Variants in TLR9 observed in about 807,000 individuals in gnomAD.
The protein encoded by TLR9 is toll like receptor 9.
In TLR9, 19 loss-of-function variants were observed where a neutral mutation model predicts 24.6. That is an observed-to-expected ratio of 0.77 (90% CI 0.54 to 1.13). The LOEUF is 1.13. TLR9 is among the 50% of genes most tolerant of loss of function. The pLI, the probability that TLR9 is intolerant of heterozygous loss-of-function variation, is 0.00. For synonymous variants in TLR9, 579 were observed against 609.8 expected, an observed-to-expected ratio of 0.95 and a Z score of 0.74; for missense variants, 1,065 against 1,379.6, an observed-to-expected ratio of 0.77 and a Z score of 3.61.
At chr3:52,224,603 C>T (rs756338028) in intron 1 of TLR9, among the ~76,000 whole-genome samples, 22 of 152,178 alleles carry the variant, frequency 1.4e-4, no homozygotes, top group Non-Finnish European at 2.5e-4. Context: ...TATACCAGGC[C>T]AGGCAAGGTG....
At position 52,223,078 on chromosome 3, in the gene TLR9, G is replaced by C. The variant is rs550218164; in HGVS notation, c.1238C>G (p.Ala413Gly). The change falls in exon 2 of 2, where the codon GCC becomes GGC. Residue 413 changes from alanine to glycine, a missense_variant. Physicochemically the swap from Ala to Gly is moderately conservative, Grantham distance 60 (BLOSUM62 0). Transcript: ENST00000360658. ...GTCCACGTAGCGCAGGCCAGGGAAG[G>C]CCCTGAAGATGCCGAGCTGGGCCTG... Reference protein sequence around the residue: ...INQAQLGIFRAFPGLRYVDLS... With the variant: ...INQAQLGIFRGFPGLRYVDLS... The C allele has an allele frequency of 1.2e-6, 2 of 1,610,314 alleles. No homozygotes were observed. The highest frequency in any genetic ancestry group is 2.7e-5 in the African/African-American group (2 of 74,874).
rs1212959740 is a variant in TLR9, at chr3:52,224,226, A to G, written c.90T>C (p.Pro30=). 1.9e-6 allele frequency: 3 copies of G among 1,613,318 alleles called. No homozygotes were observed. Among genetic ancestry groups the G allele is most frequent in the African/African-American group, 2.7e-5 (2 of 74,892 alleles). Reference sequence around the variant, plus strand: ...GCTGGAGCTCACAGGGTAGGAAGGCAGGCAAGGTACCCAGGGCCAGGGTCA... The same window carrying G: ...GCTGGAGCTCACAGGGTAGGAAGGCGGGCAAGGTACCCAGGGCCAGGGTCA... ...LAMTLALGTL[P]AFLPCELQPH... The change falls in exon 2 of 2, where the codon CCT becomes CCC. Residue 30 remains proline (P), a synonymous_variant. Coordinates refer to ENST00000360658, the MANE Select transcript of TLR9 (RefSeq NM_017442.4).
At position 52,223,786 on chromosome 3, in the gene TLR9, T is replaced by C. The variant is rs1405309670; in HGVS notation, c.530A>G (p.Asn177Ser). The change falls in exon 2 of 2, where the codon AAC becomes AGC. Residue 177 changes from asparagine (N) to serine (S), a missense_variant. Coordinates refer to ENST00000360658, the MANE Select transcript of TLR9 (RefSeq NM_017442.4). ...HALRFLFMDGNCYYKNPCRQA... is the reference protein window; with the variant it reads ...HALRFLFMDGSCYYKNPCRQA... ...CCTGCAGGGGTTCTTGTAATAACAG[T>C]TGCCGTCCATGAATAGGAAGCGCAG... 1.3e-6 allele frequency: 2 copies of C among 1,583,870 alleles called. No individual in the cohort carries two copies. The highest frequency in any genetic ancestry group is 2.7e-5 in the African/African-American group (2 of 74,060).
rs757146434 is a variant in TLR9 at position 52,222,858 on chromosome 3, G to A, written c.1458C>T (p.Thr486=). The change falls in exon 2 of 2, where the codon ACC becomes ACT. Residue 486 remains threonine (T), a synonymous_variant. Coordinates refer to ENST00000360658, the MANE Select transcript of TLR9 (RefSeq NM_017442.4). ...TLDLSRNNLV[T]VQPEMFAQLS... Reference sequence around the variant, plus strand: ...GCTGGGCAAACATCTCCGGCTGCACGGTCACCAGGTTGTTCCGTGACAGAT... The same window carrying A: ...GCTGGGCAAACATCTCCGGCTGCACAGTCACCAGGTTGTTCCGTGACAGAT... 8.1e-5 allele frequency: 130 copies of A among 1,610,916 alleles called. No individual in the cohort carries two copies. Among genetic ancestry groups the A allele is most frequent in the African/African-American group, 1.5e-4 (11 of 74,884 alleles).
chr3:52,221,730 C>G lies in TLR9; in HGVS notation c.2586G>C (p.Gly862=), dbSNP rs200997934. 1 of 1,613,936 alleles carries G rather than the reference C, an allele frequency of 6.2e-7. No individual in the cohort carries two copies. Among genetic ancestry groups the G allele is most frequent in the African/African-American group, 1.3e-5 (1 of 75,062 alleles). ...CGTAGGGCAGGGCATCCTCATCTCG[C>G]CCACTTTGCCGCCCCCGCCAGGGAA... ...AWLPWRGRQS[G]RDEDALPYDA... is the part of the protein sequence containing the mutation. Residue 862 remains glycine (G), a synonymous_variant, in exon 2 of 2, where the codon GGG becomes GGC. Transcript: ENST00000360658. The surrounding 1 kb of genome is among the most constrained non-coding windows in gnomAD (Gnocchi z 9.9).
chr3:52,224,681 C>T (rs749321605), intron 1 of TLR9, among the ~76,000 whole-genome samples: 15 of 152,198 alleles, frequency 9.9e-5, no homozygotes, highest in Admixed American at 2.0e-4. Context: ...GCAGCTGGCT[C>T]CCTCCCCTCC....
rs1699560909 is a variant in TLR9 at position 52,222,035 on chromosome 3, G to A, written c.2281C>T (p.Pro761Ser). ...ALQILDVSANPLHCACGAAFM... is the reference protein window; with the variant it reads ...ALQILDVSANSLHCACGAAFM... ...GCCGCCCCACAGGCGCAGTGCAGAG[G>A]GTTGGCGCTTACATCTAGTATTTGC... Residue 761 changes from proline to serine, a missense_variant, in exon 2 of 2, where the codon CCT (proline) becomes TCT (serine). Transcript: ENST00000360658. 1 of 1,612,320 alleles carries A rather than the reference G, an allele frequency of 6.2e-7. No individual in the cohort carries two copies. Among genetic ancestry groups the A allele is most frequent in the Non-Finnish European group, 8.5e-7 (1 of 1,179,180 alleles).
chr3:52,222,206 G>A lies in TLR9; in HGVS notation c.2110C>T (p.Arg704Trp), dbSNP rs145698725. Residue 704 changes from arginine to tryptophan, a missense_variant, in exon 2 of 2, where the codon CGG becomes TGG. Coordinates refer to ENST00000360658, the MANE Select transcript of TLR9 (RefSeq NM_017442.4). Reference sequence around the variant, plus strand: ...CTGTTGCAGCTGACATCCAGCCTCCGGAGCCGGGTGCCAGCAGGCAGGCTG... The same window carrying A: ...CTGTTGCAGCTGACATCCAGCCTCCAGAGCCGGGTGCCAGCAGGCAGGCTG... ...NGSLPAGTRL[R>W]RLDVSCNSIS... The A allele has an allele frequency of 4.2e-5, 68 of 1,613,978 alleles. No homozygotes were observed. The highest frequency in any genetic ancestry group is 3.2e-4 in the African/African-American group (24 of 74,948).
At position 52,221,496 on chromosome 3, in the gene TLR9, C is replaced by T. The variant is rs200061121; in HGVS notation, c.2820G>A (p.Thr940=). The change falls in exon 2 of 2, where the codon ACG becomes ACA. Residue 940 remains threonine, a synonymous_variant. Transcript: ENST00000360658. The surrounding 1 kb of genome is among the most constrained non-coding windows in gnomAD (Gnocchi z 9.9). ...SRKTLFVLAH[T]DRVSGLLRAS... is the part of the protein sequence containing the mutation. Reference sequence around the variant, plus strand: ...CGCGCAAGAGACCACTGACCCGGTCCGTGTGGGCCAGCACAAACAGCGTCT... The same window carrying T: ...CGCGCAAGAGACCACTGACCCGGTCTGTGTGGGCCAGCACAAACAGCGTCT... 1.9e-5 allele frequency: 30 copies of T among 1,612,958 alleles called. No homozygotes were observed. Among genetic ancestry groups the T allele is most frequent in the African/African-American group, 1.5e-4 (11 of 75,048 alleles).
At position 52,221,527 on chromosome 3, in the gene TLR9, C is replaced by T. The variant is rs1350213511; in HGVS notation, c.2789G>A (p.Ser930Asn). 6.2e-7 allele frequency: 1 copy of T among 1,612,910 alleles called. No individual in the cohort carries two copies. Among genetic ancestry groups the T allele is most frequent in the South Asian group, 1.1e-5 (1 of 91,082 alleles). The change falls in exon 2 of 2, where the codon AGC (serine) becomes AAC (asparagine). Residue 930 changes from serine to asparagine, a missense_variant. Coordinates refer to ENST00000360658, the MANE Select transcript of TLR9 (RefSeq NM_017442.4). The surrounding 1 kb of genome is among the most constrained non-coding windows in gnomAD (Gnocchi z 9.9). ...GGCCAGCACAAACAGCGTCTTGCGG[C>T]TGCCATAGACCGAGGCCCACAGGTT... ...FENLWASVYG[S>N]RKTLFVLAHT...
rs200817942 is a variant in TLR9, at chr3:52,221,673, G to C, written c.2643C>G (p.Ser881Arg). 6.2e-7 allele frequency: 1 copy of C among 1,613,924 alleles called. No homozygotes were observed. The highest frequency in any genetic ancestry group is 1.1e-5 in the South Asian group (1 of 91,082). The change falls in exon 2 of 2, where the codon AGC becomes AGG. Residue 881 changes from serine (S) to arginine (R), a missense_variant. Transcript: ENST00000360658. This position sits in a 1 kb window ranked among gnomAD's most constrained non-coding sequence, Gnocchi z 9.9. ...DAFVVFDKTQ[S>R]AVADWVYNEL... ...CGTTGTACACCCAGTCTGCCACTGC[G>C]CTCTGCGTTTTGTCGAAGACCACGA...
Position 52,223,421 on chromosome 3 carries a change from G to C in TLR9, c.895C>G (p.Leu299Val). ...LVLKDSSLSW[L>V]NASWFRGLGN... is the part of the protein sequence containing the mutation. ...AGCCCACGGAACCAACTGGCATTCA[G>C]CCAGGAGAGAGAACTGTCCTTCAAC... Residue 299 changes from leucine (L) to valine (V), a missense_variant, in exon 2 of 2, where the codon CTG (leucine) becomes GTG (valine). By Grantham distance (32) the Leu-to-Val change is conservative. Coordinates refer to ENST00000360658, the MANE Select transcript of TLR9 (RefSeq NM_017442.4). 3.7e-6 allele frequency: 6 copies of C among 1,611,194 alleles called. No homozygotes were observed. Among genetic ancestry groups the C allele is most frequent in the Non-Finnish European group, 5.1e-6 (6 of 1,178,368 alleles).
At chr3:52,224,453 A>G in intron 1 of TLR9, 141 bp from the exon 2 acceptor site, 1 of 691,558 alleles carries the variant, frequency 1.4e-6, no homozygotes, top group Non-Finnish European at 2.4e-6. Flanking sequence ...GCCAAGCCCC[A>G]TTCCCATCCC....
chr3:52,221,182 G>A lies in TLR9; in HGVS notation c.*35C>T. On this transcript the variant is annotated 3_prime_UTR_variant, in exon 2 of 2. Coordinates refer to ENST00000360658, the MANE Select transcript of TLR9 (RefSeq NM_017442.4). This position sits in a 1 kb window ranked among gnomAD's most constrained non-coding sequence, Gnocchi z 9.9. ...CCAGGCAGGCAGAGGTGAGGTGAGT[G>A]TGGAGGTGGCACCGTGCAGGATTCC... The A allele has an allele frequency of 1.3e-6, 2 of 1,502,676 alleles. No homozygotes were observed. Among genetic ancestry groups the A allele is most frequent in the Non-Finnish European group, 1.8e-6 (2 of 1,123,798 alleles). 93.1% of individuals were successfully genotyped at this position (1,502,676 alleles called of 1,614,324 possible). A position where few individuals can be genotyped will look rare whatever the true frequency, so the allele number is the denominator to read the frequency against.
Position 52,224,239 on chromosome 3 carries a change from A to G in TLR9, c.77T>C (p.Leu26Pro), listed in dbSNP as rs754311214. The G allele has an allele frequency of 6.2e-7, 1 of 1,613,338 alleles. No homozygotes were observed. Among genetic ancestry groups the G allele is most frequent in the South Asian group, 1.1e-5 (1 of 91,012 alleles). ...GGGTAGGAAGGCAGGCAAGGTACCC[A>G]GGGCCAGGGTCATGGCCAGCATGAT... ...QAIMLAMTLALGTLPAFLPCE... is the reference protein window; with the variant it reads ...QAIMLAMTLAPGTLPAFLPCE... Residue 26 changes from leucine (L) to proline (P), a missense_variant, in exon 2 of 2, where the codon CTG becomes CCG. Coordinates refer to ENST00000360658, the MANE Select transcript of TLR9 (RefSeq NM_017442.4).
chr3:52,221,850 C>T lies in TLR9; in HGVS notation c.2466G>A (p.Ser822=), dbSNP rs140558593. The T allele has an allele frequency of 1.4e-4, 224 of 1,613,860 alleles. No homozygotes were observed. The highest frequency in any genetic ancestry group is 2.1e-4 in the South Asian group (19 of 91,090). The change falls in exon 2 of 2, where the codon TCG becomes TCA. Residue 822 remains serine, a synonymous_variant. Coordinates refer to ENST00000360658, the MANE Select transcript of TLR9 (RefSeq NM_017442.4). The surrounding 1 kb of genome is among the most constrained non-coding windows in gnomAD (Gnocchi z 9.9). The stretch of plus-strand genomic sequence containing the variant: ...CCAGGCCCAGAGCCACAGCCAGCAG[C>T]GAGAGGGCGAAACAGTCCCAGGAGA... ...EALSWDCFAL[S]LLAVALGLGV... is the part of the protein sequence containing the mutation.
At position 52,222,243 on chromosome 3, in the gene TLR9, G is replaced by A. The variant is rs976736189; in HGVS notation, c.2073C>T (p.Ala691=). The change falls in exon 2 of 2, where the codon GCC becomes GCT. Residue 691 remains alanine (A), a synonymous_variant. Coordinates refer to ENST00000360658, the MANE Select transcript of TLR9 (RefSeq NM_017442.4). ...VLDLAGNQLK[A]LTNGSLPAGT... The stretch of plus-strand genomic sequence containing the variant: ...CAGCAGGCAGGCTGCCATTGGTCAG[G>A]GCCTTCAGCTGGTTTCCTGCCAGGT... 7.4e-6 allele frequency: 12 copies of A among 1,614,200 alleles called. No homozygotes were observed. Among genetic ancestry groups the A allele is most frequent in the Non-Finnish European group, 9.3e-6 (11 of 1,180,040 alleles).
Position 52,223,829 on chromosome 3 carries a change from G to T in TLR9, c.487C>A (p.Leu163Ile), listed in dbSNP as rs201201841. The T allele has an allele frequency of 8.8e-5, 142 of 1,610,424 alleles. No individual in the cohort carries two copies. Among genetic ancestry groups the T allele is most frequent in the Non-Finnish European group, 1.1e-4 (135 of 1,177,898 alleles). The change falls in exon 2 of 2, where the codon CTC (leucine) becomes ATC (isoleucine). Residue 163 changes from leucine to isoleucine, a missense_variant. Coordinates refer to ENST00000360658, the MANE Select transcript of TLR9 (RefSeq NM_017442.4). ...AAGCGCAGGGCATGCAGGCCGGCGA[G>T]GCTGGCAGAGTCTAGCATCAGGATG... ...TNILMLDSAS[L>I]AGLHALRFLF...
At position 52,221,616 on chromosome 3, in the gene TLR9, C is replaced by T. The variant is rs1699554510; in HGVS notation, c.2700G>A (p.Gly900=). Residue 900 remains glycine, a synonymous_variant, in exon 2 of 2, where the codon GGG becomes GGA. Coordinates refer to ENST00000360658, the MANE Select transcript of TLR9 (RefSeq NM_017442.4). This position sits in a 1 kb window ranked among gnomAD's most constrained non-coding sequence, Gnocchi z 9.9. ...ELRGQLEECR[G]RWALRLCLEE... ...CCAGGCACAGGCGGAGTGCCCAGCG[C>T]CCACGGCACTCCTCCAGCTGCCCCC... is the stretch of plus-strand genomic sequence containing the variant. The T allele has an allele frequency of 6.2e-7, 1 of 1,613,656 alleles. No individual in the cohort carries two copies. The highest frequency in any genetic ancestry group is 2.2e-5 in the East Asian group (1 of 44,874).
Sources: allele counts gnomAD v4.1 joint callset (sites outside exome capture counted in the v4.1 genomes callset), GRCh38; gene constraint gnomAD v4.1.1; non-coding constraint Gnocchi (gnomAD v3.1); transcripts MANE v1.5; gene names NCBI Gene and HGNC (gene_info 2026-07-23, HGNC 2026-07-21).